The following MISP variants were observed in gnomAD, a reference collection of about 807,000 sequenced individuals.
MISP encodes the protein mitotic spindle positioning, also known as mitotic interactor and substrate of PLK1.
MISP carries 51 observed loss-of-function variants against 49.3 expected under a neutral mutation model. The observed-to-expected ratio is 1.03, with a 90% CI of 0.83 to 1.31. The LOEUF is 1.31. Ranked by LOEUF, MISP falls within the 50% of genes most tolerant of loss-of-function variation. The pLI, the probability that MISP is intolerant of heterozygous loss-of-function variation, is 0.00. For synonymous variants in MISP, 444 were observed against 392.6 expected (o/e 1.13, Z -1.55); for missense variants, 1,084 against 935.1 (o/e 1.16, Z -2.08).
chr19:753,941 C>T (rs937612325), intron 1 of MISP, among the ~76,000 whole-genome samples: 5 of 152,124 alleles, frequency 3.3e-5, no homozygotes, highest in East Asian at 1.9e-4. Flanking sequence ...TGTGCCCAGC[C>T]GACAGTGCTT....
chr19:759,943 C>T lies in MISP; in HGVS notation c.1815C>T (p.Pro605=). The stretch of plus-strand genomic sequence containing the variant: ...GCAGTTACTCGGTGTCTGAGTCTCC[C>T]TTCTTCAGCCCCATCCACCTACACT... ...ITGSYSVSES[P]FFSPIHLHSN... is the part of the protein sequence containing the mutation. The change falls in exon 3 of 5, where the codon CCC becomes CCT. Residue 605 remains proline, a synonymous_variant. Coordinates refer to ENST00000215582, the MANE Select transcript of MISP (RefSeq NM_173481.4). The T allele has an allele frequency of 6.2e-7, 1 of 1,614,098 alleles. No individual in the cohort carries two copies. Among genetic ancestry groups the T allele is most frequent in the Non-Finnish European group, 8.5e-7 (1 of 1,179,974 alleles).
chr19:757,681 T>G lies in MISP; in HGVS notation c.735T>G (p.Val245=). 1 of 1,613,724 alleles carries G rather than the reference T, an allele frequency of 6.2e-7. No individual in the cohort carries two copies. The highest frequency in any genetic ancestry group is 8.5e-7 in the Non-Finnish European group (1 of 1,179,916). ...CCCACCTGGCCAACGGGCACGTGGT[T>G]CCCATCAAGCCCCAGGTGAAGGGGG... ...NKPHLANGHV[V]PIKPQVKGVV... The change falls in exon 2 of 5, where the codon GTT becomes GTG. Residue 245 remains valine (V), a synonymous_variant. Coordinates refer to ENST00000215582, the MANE Select transcript of MISP (RefSeq NM_173481.4).
chr19:760,721 G>A (rs2033659192), intron 3 of MISP, among the ~76,000 whole-genome samples: 1 of 151,886 alleles, frequency 6.6e-6, no homozygotes, highest in Non-Finnish European at 1.5e-5. Flanking sequence ...GAGGGAGGGA[G>A]GGATGGAGGG....
At position 764,278 on chromosome 19, in the gene MISP, C is replaced by A. The variant is rs1306395013; in HGVS notation, c.*688C>A. On this transcript the variant is annotated 3_prime_UTR_variant, in exon 5 of 5. Coordinates refer to ENST00000215582, the MANE Select transcript of MISP (RefSeq NM_173481.4). ...GAGCTGGAGGGGGGTCTTTGTCCCC[C>A]ACCCCCAAACTGCCCTGAAATAAAC... 6.6e-6 allele frequency: 1 copy of A among 152,312 alleles called. No homozygotes were observed. The highest frequency in any genetic ancestry group is 1.9e-4 in the East Asian group (1 of 5,198). The allele number at this position is 152,312 out of a possible 1,614,324, so 9.4% of individuals were successfully genotyped here.
rs1282344814 is a variant in MISP, at chr19:756,604, C to G, written c.-57-286C>G. Among the ~76,000 whole-genome samples, 3 of 152,246 alleles carry G rather than the reference C, an allele frequency of 2.0e-5. No homozygotes were observed. The South Asian group carries it at 6.2e-4, about 32-fold the overall frequency. On this transcript the variant is annotated intron_variant, in intron 1 of 4. Transcript: ENST00000215582. The stretch of plus-strand genomic sequence containing the variant: ...CCCTTAGCCAATCACAGAGATTAGA[C>G]AATGGGCTGCTCTGAGTGGCTGTAC...
rs201699769 is a variant in MISP, at chr19:758,076, C to G, written c.1130C>G (p.Thr377Arg). The change falls in exon 2 of 5, where the codon ACA (threonine) becomes AGA (arginine). Residue 377 changes from threonine (T) to arginine (R), a missense_variant. By Grantham distance (71) the Thr-to-Arg change is moderately conservative (BLOSUM62 -1). Transcript: ENST00000215582. ...REGLHVGRAS[T>R]PDWVSEGPQP... ...GGCCTGCACGTGGGCCGGGCGTCCA[C>G]ACCCGACTGGGTCTCGGAGGGTCCC... 1.3e-4 allele frequency: 203 copies of G among 1,577,170 alleles called. No homozygotes were observed. The East Asian group carries it at 2.9e-3, about 23-fold the overall frequency.
chr19:761,827 G>A (rs187078037), intron 4 of MISP, among the ~76,000 whole-genome samples, 164 bp downstream of exon 4: 30 of 152,290 alleles, frequency 2.0e-4, no homozygotes, highest in South Asian at 4.1e-4. Context: ...TGATCTGCTT[G>A]TGATGTCTGC....
At chr19:761,322 G>A (rs1021232470) in intron 3 of MISP, among the ~76,000 whole-genome samples, 3 of 151,248 alleles carry the variant, frequency 2.0e-5, no homozygotes, top group African/African-American at 4.8e-5. Flanking sequence ...TCGCACCACC[G>A]CACTCCAGCC....
rs200929380 is a variant in MISP at position 758,726 on chromosome 19, G to A, written c.1780G>A (p.Gly594Ser). ...CTCCAGGAGCTCCTCCCAGGCATCC[G>A]GTGAGAAGGGGCTCCAGGGAGTGGC... ...QNSRSSSQASGITGSYSVSES... is the reference protein window; with the variant it reads ...QNSRSSSQASSITGSYSVSES... The change falls in exon 2 of 5, where the codon GGC becomes AGC. Residue 594 changes from glycine (G) to serine (S), a missense_variant and splice_region_variant. Gly to Ser is a moderately conservative substitution (Grantham distance 56). Coordinates refer to ENST00000215582, the MANE Select transcript of MISP (RefSeq NM_173481.4). 238 of 1,609,452 alleles carry A rather than the reference G, an allele frequency of 1.5e-4. No individual in the cohort carries two copies. Among genetic ancestry groups the A allele is most frequent in the Non-Finnish European group, 1.8e-4 (216 of 1,177,180 alleles).
chr19:748,947 G>T (rs555917711), upstream of MISP, among the ~76,000 whole-genome samples: 1 of 152,316 alleles, frequency 6.6e-6, no homozygotes, highest in East Asian at 1.9e-4. Context: ...TACCATCCTG[G>T]CCAACATACT....
intron 1 of MISP, among the ~76,000 whole-genome samples, chr19:753,459 C>G (rs1018886257): frequency 1.1e-4 from 16 of 149,002 alleles, no homozygotes; most frequent in African/African-American, 3.7e-4. Flanking sequence ...GATCTCAGCT[C>G]CCTGCAAGCT....
chr19:761,506 AG>A (rs2033671308), intron 3 of MISP, 118 bp from the exon 4 acceptor site: 4 of 1,078,040 alleles, frequency 3.7e-6, no homozygotes, highest in Non-Finnish European at 4.3e-6. Context: ...CACTCAGGGC[AG>A]GGGATGCCTT....
rs755220304 is a variant in MISP at position 757,190 on chromosome 19, C to T, written c.244C>T (p.Leu82Phe). 1.9e-6 allele frequency: 3 copies of T among 1,613,544 alleles called. No individual in the cohort carries two copies. In the East Asian group the frequency reaches 6.7e-5, roughly 36 times the overall value. ...AYTGQPSPRG[L>F]HSENREDEGW... Reference sequence around the variant, plus strand: ...CACTGGCCAGCCGTCCCCACGGGGGCTCCACTCGGAGAACAGGGAGGATGA... The same window carrying T: ...CACTGGCCAGCCGTCCCCACGGGGGTTCCACTCGGAGAACAGGGAGGATGA... The change falls in exon 2 of 5, where the codon CTC (leucine) becomes TTC (phenylalanine). Residue 82 changes from leucine (L) to phenylalanine (F), a missense_variant. Leu to Phe is a conservative substitution (Grantham distance 22, BLOSUM62 0). Coordinates refer to ENST00000215582, the MANE Select transcript of MISP (RefSeq NM_173481.4).
At position 758,419 on chromosome 19, in the gene MISP, C is replaced by T. The variant is rs1312300064; in HGVS notation, c.1473C>T (p.Cys491=). 4 of 1,614,086 alleles carry T rather than the reference C, an allele frequency of 2.5e-6. No homozygotes were observed. The African/African-American group carries it at 5.3e-5, about 22-fold the overall frequency. ...AGGCATCGAAGCCCCCTCGGGGATGCCCGCAAGCCAACAGGGGTGTCGTGC... is the reference window on the plus strand; with the variant it reads ...AGGCATCGAAGCCCCCTCGGGGATGTCCGCAAGCCAACAGGGGTGTCGTGC... ...KQEASKPPRG[C]PQANRGVVRW... Residue 491 remains cysteine (C), a synonymous_variant, in exon 2 of 5, where the codon TGC becomes TGT. Coordinates refer to ENST00000215582, the MANE Select transcript of MISP (RefSeq NM_173481.4).
Position 758,002 on chromosome 19 carries a change from G to C in MISP, c.1056G>C (p.Gln352His). 6.4e-7 allele frequency: 1 copy of C among 1,574,536 alleles called. No homozygotes were observed. The highest frequency in any genetic ancestry group is 1.2e-5 in the South Asian group (1 of 86,436). The change falls in exon 2 of 5, where the codon CAG becomes CAC. Residue 352 changes from glutamine (Q) to histidine (H), a missense_variant. Gln to His is a conservative substitution (Grantham distance 24). Transcript: ENST00000215582. ...GAGGGCGCCCGTCCCTCTACGTGCA[G>C]CGGGACATAGTACAGGAGACACAGC... ...RERGRPSLYV[Q>H]RDIVQETQRE...
In MISP at chr19:758,316, C is replaced by T. The variant is rs1228263983; in HGVS notation, c.1370C>T (p.Ala457Val). The T allele has an allele frequency of 6.2e-7, 1 of 1,614,016 alleles. No homozygotes were observed. The highest frequency in any genetic ancestry group is 1.7e-5 in the Admixed American group (1 of 60,010). Reference protein sequence around the residue: ...PSSLSTAEAKAATSPKATMSP... With the variant: ...PSSLSTAEAKVATSPKATMSP... Reference sequence around the variant, plus strand: ...AGTCTCTCCACAGCGGAGGCCAAGGCTGCGACTTCACCAAAGGCCACGATG... The same window carrying T: ...AGTCTCTCCACAGCGGAGGCCAAGGTTGCGACTTCACCAAAGGCCACGATG... Residue 457 changes from alanine to valine, a missense_variant, in exon 2 of 5, where the codon GCT (alanine) becomes GTT (valine). Coordinates refer to ENST00000215582, the MANE Select transcript of MISP (RefSeq NM_173481.4).
intron 3 of MISP, chr19:760,309 C>T (rs909222641): frequency 2.4e-4 from 86 of 351,058 alleles, no homozygotes; most frequent in Non-Finnish European, 8.3e-5. Context: ...AAAGGACCAA[C>T]TCTGCTTGGA....
At chr19:758,852 G>A (rs747317216) in intron 2 of MISP, 126 bp downstream of exon 2, 12 of 694,666 alleles carry the variant, frequency 1.7e-5, no homozygotes, top group Non-Finnish European at 2.6e-5. Context: ...CCTCCTGACT[G>A]TTCATCCCCT....
rs769680799 is a variant in MISP at position 759,960 on chromosome 19, A to G, written c.1832A>G (p.His611Arg). The G allele has an allele frequency of 1.9e-6, 3 of 1,613,824 alleles. No individual in the cohort carries two copies. The highest frequency in any genetic ancestry group is 2.2e-5 in the South Asian group (2 of 91,056). The change falls in exon 3 of 5, where the codon CAC (histidine) becomes CGC (arginine). Residue 611 changes from histidine (H) to arginine (R), a missense_variant. Coordinates refer to ENST00000215582, the MANE Select transcript of MISP (RefSeq NM_173481.4). ...GAGTCTCCCTTCTTCAGCCCCATCC[A>G]CCTACACTCAAACGTGGCGTGGACA... ...VSESPFFSPI[H>R]LHSNVAWTVE...
Sources: allele counts gnomAD v4.1 joint callset (sites outside exome capture counted in the v4.1 genomes callset), GRCh38; gene constraint gnomAD v4.1.1; transcripts MANE v1.5; gene names NCBI Gene and HGNC (gene_info 2026-07-23, HGNC 2026-07-21).